The following ARHGAP33 variants were observed in gnomAD, a reference collection of about 807,000 sequenced individuals.
The protein encoded by ARHGAP33 is rho GTPase-activating protein 33.
In ARHGAP33, 57 loss-of-function variants were observed where a neutral mutation model predicts 126.2. The observed-to-expected ratio is 0.45, with a 90% CI of 0.36 to 0.56. ARHGAP33 has a LOEUF of 0.56. Among genes scored for constraint, ARHGAP33 ranks in the 20% least tolerant of loss-of-function variants. The pLI, the probability that ARHGAP33 is intolerant of heterozygous loss-of-function variation, is 0.00. For missense variants in ARHGAP33, 1,500 were observed against 1,748.3 expected, an observed-to-expected ratio of 0.86 and a Z score of 2.53; for synonymous variants, 711 against 755.0, an observed-to-expected ratio of 0.94 and a Z score of 0.95.
chr19:35,777,805 C>G lies in ARHGAP33; in HGVS notation c.105-19C>G, dbSNP rs752052902. On this transcript the variant is annotated intron_variant, in intron 2 of 20. Coordinates refer to ENST00000007510, the MANE Select transcript of ARHGAP33 (RefSeq NM_001366178.1). ...GGGAGACTCAAGGAGCTGCTGGTGA[C>G]GCATCCCCTGTCTCCCAGGCTCTCA... 6.2e-7 allele frequency: 1 copy of G among 1,613,832 alleles called. No individual in the cohort carries two copies. Among genetic ancestry groups the G allele is most frequent in the Non-Finnish European group, 8.5e-7 (1 of 1,179,856 alleles).
chr19:35,778,506 T>C lies in ARHGAP33; in HGVS notation c.313T>C (p.Ser105Pro), dbSNP rs201533373. 4.3e-6 allele frequency: 7 copies of C among 1,614,060 alleles called. No homozygotes were observed. Among genetic ancestry groups the C allele is most frequent in the Non-Finnish European group, 5.1e-6 (6 of 1,180,036 alleles). ...TCTCCGGAGTTACGATGACTTTCGT[T>C]CCCTGGATGCCCACCTCCACCGGTG... ...PVLRSYDDFR[S>P]LDAHLHRCIF... Residue 105 changes from serine (S) to proline (P), a missense_variant, in exon 5 of 21, where the codon TCC becomes CCC. Physicochemically the swap from Ser to Pro is moderately conservative, Grantham distance 74. Coordinates refer to ENST00000007510, the MANE Select transcript of ARHGAP33 (RefSeq NM_001366178.1).
chr19:35,788,185 C>T lies in ARHGAP33; in HGVS notation c.3620C>T (p.Pro1207Leu), dbSNP rs1972226977. ...CCCGGTCCCCCAGTCCCCCGCCTTCCCCAGAAACAACGGGCACCCTGGGGA... is the reference window on the plus strand; with the variant it reads ...CCCGGTCCCCCAGTCCCCCGCCTTCTCCAGAAACAACGGGCACCCTGGGGA... ...SDPGPPVPRLPQKQRAPWGPR... is the reference protein window; with the variant it reads ...SDPGPPVPRLLQKQRAPWGPR... The change falls in exon 21 of 21, where the codon CCC (proline) becomes CTC (leucine). Residue 1207 changes from proline to leucine, a missense_variant. Around this residue, in one of 6 missense-constraint regions of ARHGAP33, gnomAD observed 642 missense variants for 634.0 expected, o/e 1.01. Coordinates refer to ENST00000007510, the MANE Select transcript of ARHGAP33 (RefSeq NM_001366178.1). 2 of 1,608,416 alleles carry T rather than the reference C, an allele frequency of 1.2e-6. No homozygotes were observed. Among genetic ancestry groups the T allele is most frequent in the South Asian group, 1.1e-5 (1 of 90,876 alleles).
At chr19:35,780,067 A>C (rs539238694) in intron 6 of ARHGAP33, 144 bp from the exon 7 acceptor site, 1 of 1,165,138 alleles carries the variant, frequency 8.6e-7, no homozygotes, top group East Asian at 2.4e-5. Context: ...ACAAACAGGA[A>C]TCTAGGTGTT....
At position 35,775,644 on chromosome 19, in the gene ARHGAP33, G is replaced by A; in HGVS notation, c.-15G>A. The A allele has an allele frequency of 6.5e-7, 1 of 1,542,852 alleles. No individual in the cohort carries two copies. The highest frequency in any genetic ancestry group is 8.7e-7 in the Non-Finnish European group (1 of 1,150,158). On this transcript the variant is annotated 5_prime_UTR_variant, in exon 1 of 21. Transcript: ENST00000007510. The stretch of plus-strand genomic sequence containing the variant: ...GGGGTCGAGCGCGGCCGGGGCCTGA[G>A]GAGGCTACGCGACCATGGTGGTAAG...
At chr19:35,778,998 C>G (rs568132967) in intron 5 of ARHGAP33, 34 bp from the exon 6 acceptor site, 3 of 1,534,118 alleles carry the variant, frequency 2.0e-6, no homozygotes, top group East Asian at 2.5e-5. Context: ...CTCACGTCCA[C>G]TCACAGAGGC....
intron 16 of ARHGAP33, 154 bp downstream of exon 16, chr19:35,784,471 G>A (rs775781238): frequency 2.1e-6 from 2 of 964,646 alleles, no homozygotes; most frequent in African/African-American, 2.6e-5. Context: ...CTCCCTCCCC[G>A]CGCCCCCCTC....
chr19:35,779,739 T>TAA (rs77089963), intron 6 of ARHGAP33: 24 of 345,714 alleles, frequency 6.9e-5, no homozygotes, highest in East Asian at 3.8e-4. Context: ...TCTGGCTAAT[T>TAA]AAAAAAAAAT....
Position 35,777,680 on chromosome 19 carries a change from G to C in ARHGAP33, c.42G>C (p.Glu14Asp). 1 of 1,588,650 alleles carries C rather than the reference G, an allele frequency of 6.3e-7. No homozygotes were observed. The highest frequency in any genetic ancestry group is 8.6e-7 in the Non-Finnish European group (1 of 1,167,300). ...RSTDSLDGPG[E>D]GSVQPLPTAG... ...CTGACAGCCTGGATGGCCCAGGGGAGGGCTCGGTGCAGCCTCTACCCACTG... is the reference window on the plus strand; with the variant it reads ...CTGACAGCCTGGATGGCCCAGGGGACGGCTCGGTGCAGCCTCTACCCACTG... Residue 14 changes from glutamate (E) to aspartate (D), a missense_variant, in exon 2 of 21, where the codon GAG becomes GAC. By Grantham distance (45) the Glu-to-Asp change is conservative. Transcript: ENST00000007510.
chr19:35,786,064 C>A lies in ARHGAP33; in HGVS notation c.1943-349C>A. ...CTCTGCGGGGGGCTGCTTATCCACC[C>A]CACCCAGCCGTGCCTCTGGGGGCTC... On this transcript the variant is annotated intron_variant, in intron 19 of 20. Coordinates refer to ENST00000007510, the MANE Select transcript of ARHGAP33 (RefSeq NM_001366178.1). The surrounding 1 kb of genome is among the most constrained non-coding windows in gnomAD (Gnocchi z 7.0). 8.5e-7 allele frequency: 1 copy of A among 1,181,928 alleles called. No individual in the cohort carries two copies. The highest frequency in any genetic ancestry group is 4.3e-5 in the East Asian group (1 of 23,472). 73.2% of individuals were successfully genotyped at this position (1,181,928 alleles called of 1,614,324 possible).
At chr19:35,777,966 A>T in intron 3 of ARHGAP33, 58 bp downstream of exon 3, 1 of 1,577,708 alleles carries the variant, frequency 6.3e-7, no homozygotes, top group East Asian at 2.2e-5. Flanking sequence ...CCAACCTTGC[A>T]ACGATATCAG....
Position 35,788,101 on chromosome 19 carries a change from C to T in ARHGAP33, c.3536C>T (p.Pro1179Leu). The change falls in exon 21 of 21, where the codon CCC (proline) becomes CTC (leucine). Residue 1179 changes from proline (P) to leucine (L), a missense_variant. Pro to Leu is a moderately conservative substitution (Grantham distance 98). This residue lies in a region of ARHGAP33 where 642 missense variants were observed against 634.0 expected (regional missense o/e 1.01). Coordinates refer to ENST00000007510, the MANE Select transcript of ARHGAP33 (RefSeq NM_001366178.1). ...YVNLALGPRG[P>L]SPASSSSSSP... The stretch of plus-strand genomic sequence containing the variant: ...AACCTAGCTCTAGGGCCCAGGGGTC[C>T]CTCACCTGCCTCTTCCTCCTCCTCT... 1 of 1,611,954 alleles carries T rather than the reference C, an allele frequency of 6.2e-7. No individual in the cohort carries two copies. Among genetic ancestry groups the T allele is most frequent in the Non-Finnish European group, 8.5e-7 (1 of 1,179,292 alleles).
chr19:35,780,928 C>G lies in ARHGAP33; in HGVS notation c.838C>G (p.Arg280Gly). Residue 280 changes from arginine to glycine, a missense_variant, in exon 11 of 21, where the codon CGG (arginine) becomes GGG (glycine). Arg to Gly is a moderately radical substitution (Grantham distance 125). Transcript: ENST00000007510. ...GISSLTSAVP[R>G]PRGKLAGLLR... ...GCCCCTTGCCCCCACAGCTGTGCCACGGCCTCGTGGGAAGCTGGCCGGCCT... is the reference window on the plus strand; with the variant it reads ...GCCCCTTGCCCCCACAGCTGTGCCAGGGCCTCGTGGGAAGCTGGCCGGCCT... The G allele has an allele frequency of 5.0e-6, 8 of 1,609,570 alleles. No individual in the cohort carries two copies. Among genetic ancestry groups the G allele is most frequent in the Middle Eastern group, 1.6e-4 (1 of 6,062 alleles).
intron 1 of ARHGAP33, among the ~76,000 whole-genome samples, chr19:35,776,569 G>A (rs1642149521): frequency 2.6e-5 from 4 of 152,196 alleles, no homozygotes; most frequent in Non-Finnish European, 5.9e-5. Context: ...CTGGCAGCTG[G>A]TTAATTTATT....
rs965647584 is a variant in ARHGAP33, at chr19:35,788,488, C to T, written c.*59C>T. 1 of 1,397,104 alleles carries T rather than the reference C, an allele frequency of 7.2e-7. No homozygotes were observed. The highest frequency in any genetic ancestry group is 1.5e-5 in the South Asian group (1 of 67,500). The allele number at this position is 1,397,104 out of a possible 1,614,324, so 86.5% of individuals were successfully genotyped here. A position where few individuals can be genotyped will look rare whatever the true frequency, so the allele number is the denominator to read the frequency against. ...TCACCCTCACTGGATCTTGGCCCAA[C>T]CAAATCCCTTGTTTTGTATTTTCTT... is the stretch of plus-strand genomic sequence containing the variant. On this transcript the variant is annotated 3_prime_UTR_variant, in exon 21 of 21. Coordinates refer to ENST00000007510, the MANE Select transcript of ARHGAP33 (RefSeq NM_001366178.1).
Position 35,787,719 on chromosome 19 carries a change from T to C in ARHGAP33, c.3154T>C (p.Leu1052=). 1.9e-6 allele frequency: 3 copies of C among 1,588,906 alleles called. No individual in the cohort carries two copies. The highest frequency in any genetic ancestry group is 2.6e-6 in the Non-Finnish European group (3 of 1,172,478). Residue 1052 remains leucine (L), a synonymous_variant, in exon 21 of 21, where the codon TTG becomes CTG. Coordinates refer to ENST00000007510, the MANE Select transcript of ARHGAP33 (RefSeq NM_001366178.1). ...PPFLGVPKPG[L]YPLGPPSFQP... is the part of the protein sequence containing the mutation. Reference sequence around the variant, plus strand: ...CTTCCTCGGGGTCCCCAAGCCAGGCTTGTACCCCCTGGGCCCCCCATCCTT... The same window carrying C: ...CTTCCTCGGGGTCCCCAAGCCAGGCCTGTACCCCCTGGGCCCCCCATCCTT...
rs202120529 is a variant in ARHGAP33, at chr19:35,778,992, C to T, written c.409-40C>T. The T allele has an allele frequency of 1.9e-4, 279 of 1,491,440 alleles. 1 individual carries two copies. The East Asian group carries it at 2.7e-3, about 15-fold the overall frequency. 92.4% of individuals were successfully genotyped at this position (1,491,440 alleles called of 1,614,324 possible). ...TGTGGGAGGGCAGTGGGCTCTCTCA[C>T]GTCCACTCACAGAGGCCCACTCTGA... On this transcript the variant is annotated intron_variant, in intron 5 of 20. Transcript: ENST00000007510.
At position 35,780,907 on chromosome 19, in the gene ARHGAP33, C is replaced by A; in HGVS notation, c.830-13C>A. ...CAAGACCTGCCTTTGCCCTTTGCCC[C>A]TTGCCCCCACAGCTGTGCCACGGCC... On this transcript the variant is annotated splice_polypyrimidine_tract_variant and intron_variant, in intron 10 of 20. Transcript: ENST00000007510. 1 of 1,610,366 alleles carries A rather than the reference C, an allele frequency of 6.2e-7. No individual in the cohort carries two copies. The highest frequency in any genetic ancestry group is 8.5e-7 in the Non-Finnish European group (1 of 1,179,972).
At position 35,777,726 on chromosome 19, in the gene ARHGAP33, G is replaced by A; in HGVS notation, c.88G>A (p.Gly30Arg). The A allele has an allele frequency of 1.9e-6, 3 of 1,610,474 alleles. No individual in the cohort carries two copies. The highest frequency in any genetic ancestry group is 4.5e-5 in the East Asian group (2 of 44,796). The change falls in exon 2 of 21, where the codon GGG (glycine) becomes AGG (arginine). Residue 30 changes from glycine to arginine, a missense_variant. Transcript: ENST00000007510. ...CACTGCTGGGGGGCCCAGTGTGAAG[G>A]GGAAGCCTGGGAAGAGGTGAGGGTG... is the stretch of plus-strand genomic sequence containing the variant. ...LPTAGGPSVK[G>R]KPGKRLSAPR...
At position 35,782,341 on chromosome 19, in the gene ARHGAP33, G is replaced by A. The variant is rs773090765; in HGVS notation, c.1086-32G>A. 1.3e-6 allele frequency: 2 copies of A among 1,588,066 alleles called. No individual in the cohort carries two copies. The highest frequency in any genetic ancestry group is 1.7e-6 in the Non-Finnish European group (2 of 1,160,764). On this transcript the variant is annotated intron_variant, in intron 12 of 20. Transcript: ENST00000007510. The surrounding 1 kb of genome is among the most constrained non-coding windows in gnomAD (Gnocchi z 4.1). Reference sequence around the variant, plus strand: ...CACGTGAGCGAGCCCCTCTGACCTGGATCTTCCTCCTCCTTGACACGGTGG... The same window carrying A: ...CACGTGAGCGAGCCCCTCTGACCTGAATCTTCCTCCTCCTTGACACGGTGG...
Sources: gnomAD v4.1 joint callset for allele counts (sites outside exome capture counted in the v4.1 genomes callset) on GRCh38, gnomAD v4.1.1 for gene constraint, gnomAD v4.1.1 regional missense constraint, Gnocchi (gnomAD v3.1) non-coding constraint, MANE v1.5 for transcripts, NCBI Gene and HGNC (gene_info 2026-07-23, HGNC 2026-07-21) for gene names.